Variants in CLCN5 observed in about 807,000 individuals in gnomAD.
CLCN5 encodes Cl-/H+ antiporter 5, also known as H(+)/Cl(-) exchange transporter 5.
Under a neutral mutation model 54.0 loss-of-function variants are expected in CLCN5, and 17 were observed. That is an observed-to-expected ratio of 0.31 (90% CI 0.22 to 0.47). The LOEUF (loss-of-function observed/expected upper bound fraction) is 0.47. Ranked by LOEUF, CLCN5 falls within the 20% of genes least tolerant of loss-of-function variation. The probability of loss-of-function intolerance (pLI) is 1.00; values close to 1 mark genes in which losing one functional copy is unlikely to be tolerated. For missense variants in CLCN5, 448 were observed against 646.7 expected, an observed-to-expected ratio of 0.69 and a Z score of 3.33; for synonymous variants, 222 against 233.0, an observed-to-expected ratio of 0.95 and a Z score of 0.43.
At chrX:50,069,022 C>A (rs187312996) in intron 4 of CLCN5, among the ~76,000 whole-genome samples, 62 of 111,996 alleles carry the variant, frequency 5.5e-4, no homozygotes, top group African/African-American at 2.0e-3. Flanking sequence ...GTTCATCAAA[C>A]AAATTTTGGT....
In CLCN5 at chrX:50,088,825, A is replaced by G. The variant is rs1472048553; in HGVS notation, c.1685A>G (p.Gln562Arg). The change falls in exon 12 of 15, where the codon CAG (glutamine) becomes CGG (arginine). Residue 562 changes from glutamine (Q) to arginine (R), a missense_variant. Gln to Arg is a conservative substitution (Grantham distance 43, BLOSUM62 1). Coordinates refer to ENST00000376091, the MANE Select transcript of CLCN5 (RefSeq NM_001127898.4). ...EWTVFNSWCS[Q>R]GADCITPGLY... ...ACCGTCTTCAATAGCTGGTGTAGTC[A>G]GGGAGCTGATTGCATCACCCCCGGC... 1 of 1,210,101 alleles carries G rather than the reference A, an allele frequency of 8.3e-7. No homozygotes were observed. Among genetic ancestry groups the G allele is most frequent in the Non-Finnish European group, 1.1e-6 (1 of 895,221 alleles).
chrX:49,986,519 C>G (rs868963633), intron 3 of CLCN5, among the ~76,000 whole-genome samples: 1 of 111,511 alleles, frequency 9.0e-6, no homozygotes, highest in Non-Finnish European at 1.9e-5. Context: ...CTTAGCTGAA[C>G]GTATATAAAG....
intron 4 of CLCN5, among the ~76,000 whole-genome samples, chrX:50,050,997 T>C (rs781973248): frequency 3.6e-5 from 4 of 111,664 alleles, no homozygotes; most frequent in African/African-American, 1.3e-4. Context: ...CAGTAGTTTT[T>C]GCAAACCAGA....
intron 11 of CLCN5, among the ~76,000 whole-genome samples, chrX:50,087,244 C>T (rs1207395577): frequency 1.3e-4 from 14 of 111,899 alleles, no homozygotes; most frequent in African/African-American, 3.9e-4. Flanking sequence ...TATAGGGTGG[C>T]TTTAGAGTTT....
chrX:49,936,530 T>C (rs1324434942), intron 3 of CLCN5, among the ~76,000 whole-genome samples: 4 of 112,230 alleles, frequency 3.6e-5, no homozygotes, highest in Admixed American at 9.5e-5. Context: ...CAGGATGTGG[T>C]TGGTACCAAT....
intron 3 of CLCN5, among the ~76,000 whole-genome samples, chrX:49,961,752 A>G (rs1927605615): frequency 1.8e-5 from 2 of 111,106 alleles, no homozygotes; most frequent in Non-Finnish European, 3.8e-5. Flanking sequence ...CCCTTCCAAT[A>G]TGGTTTTTCT....
chrX:49,989,217 T>A (rs1557178598), intron 3 of CLCN5, among the ~76,000 whole-genome samples: 1 of 110,149 alleles, frequency 9.1e-6, no homozygotes, highest in Non-Finnish European at 1.9e-5. Context: ...GGACCACAGG[T>A]GTGCACCACC....
intron 3 of CLCN5, among the ~76,000 whole-genome samples, chrX:49,981,230 CA>C (rs1602008950): frequency 9.0e-6 from 1 of 111,330 alleles, no homozygotes; most frequent in African/African-American, 3.3e-5. Context: ...TTTTTTTCCC[CA>C]ATGAGCCGTT....
In CLCN5 at chrX:50,092,565, A is replaced by T; in HGVS notation, c.*346A>T. The T allele has an allele frequency of 9.8e-6, 2 of 204,748 alleles. No homozygotes were observed. The highest frequency in any genetic ancestry group is 1.9e-4 in the South Asian group (2 of 10,684). The allele number at this position is 204,748 out of a possible 1,213,427, so 16.9% of individuals were successfully genotyped here. On this transcript the variant is annotated 3_prime_UTR_variant, in exon 15 of 15. Coordinates refer to ENST00000376091, the MANE Select transcript of CLCN5 (RefSeq NM_001127898.4). ...TGAAAACTATGCAAGAGAAATTCCA[A>T]CCGTCCTGACCTATAACCTGTAGGA...
intron 3 of CLCN5, among the ~76,000 whole-genome samples, chrX:50,004,860 A>T (rs1420608897): frequency 8.9e-6 from 1 of 111,833 alleles, no homozygotes; most frequent in South Asian, 3.8e-4. Context: ...CAGTGAGCCA[A>T]GATCGTGCCA....
At chrX:49,979,442 C>T (rs895810553) in intron 3 of CLCN5, among the ~76,000 whole-genome samples, 8 of 111,662 alleles carry the variant, frequency 7.2e-5, no homozygotes, top group Admixed American at 2.9e-4. Context: ...CTATAAGTCT[C>T]GTATATTGCT....
At chrX:50,015,812 C>T (rs1430631810) in intron 3 of CLCN5, among the ~76,000 whole-genome samples, 1 of 111,077 alleles carries the variant, frequency 9.0e-6, no homozygotes, top group African/African-American at 3.3e-5. Context: ...GTCAGCGTAG[C>T]AATACAGTAT....
At position 50,042,422 on chromosome X, in the gene CLCN5, C is replaced by A; in HGVS notation, c.123C>A (p.Ser41=). The A allele has an allele frequency of 8.9e-7, 1 of 1,129,419 alleles. No homozygotes were observed. Among genetic ancestry groups the A allele is most frequent in the East Asian group, 3.3e-5 (1 of 30,477 alleles). The allele number at this position is 1,129,419 out of a possible 1,213,427, so 93.1% of individuals were successfully genotyped here. The change falls in exon 4 of 15, where the codon TCC becomes TCA. Residue 41 remains serine, a synonymous_variant. Coordinates refer to ENST00000376091, the MANE Select transcript of CLCN5 (RefSeq NM_001127898.4). ...MDIPATAMDF[S]MRDDVPPLDR... ...TTCCAGCAACCGCTATGGATTTCTC[C>A]ATGAGAGATGATGTTCCTCCCTTAG... is the stretch of plus-strand genomic sequence containing the variant.
intron 3 of CLCN5, among the ~76,000 whole-genome samples, chrX:49,936,689 ATATAAG>A (rs1926005990): frequency 8.9e-6 from 1 of 112,466 alleles, no homozygotes; most frequent in Non-Finnish European, 1.9e-5. Flanking sequence ...GTTGGTAGGC[ATATAAG>A]TTGGTAGAAT....
At chrX:50,090,057 A>C (rs1934033952) in intron 12 of CLCN5, 59 bp from the exon 13 acceptor site, 1 of 1,158,989 alleles carries the variant, frequency 8.6e-7, no homozygotes, top group African/African-American at 1.8e-5. Flanking sequence ...GGAAAGGCCC[A>C]TAATTGTAAG....
At chrX:50,049,450 T>C (rs1273519814) in intron 4 of CLCN5, among the ~76,000 whole-genome samples, 1 of 112,069 alleles carries the variant, frequency 8.9e-6, no homozygotes, top group African/African-American at 3.2e-5. Flanking sequence ...TGTATCCCCA[T>C]CATTAAGTAA....
chrX:49,983,033 G>T (rs186992151), intron 3 of CLCN5, among the ~76,000 whole-genome samples: 2 of 112,097 alleles, frequency 1.8e-5, no homozygotes, highest in East Asian at 5.6e-4. Context: ...TTACAATTTG[G>T]TGCAGAGACT....
chrX:49,957,257 A>G (rs1443808829), intron 3 of CLCN5, among the ~76,000 whole-genome samples: 1 of 111,236 alleles, frequency 9.0e-6, no homozygotes, highest in Non-Finnish European at 1.9e-5. Flanking sequence ...CCAAGATTGC[A>G]CCACTGCACT....
chrX:49,924,075 G>C (rs1386934060), intron 2 of CLCN5, among the ~76,000 whole-genome samples: 1 of 111,398 alleles, frequency 9.0e-6, no homozygotes, highest in African/African-American at 3.3e-5. Flanking sequence ...AAATGGGCAA[G>C]CAGAGTGTTA....
Sources: gnomAD v4.1 joint callset for allele counts (sites outside exome capture counted in the v4.1 genomes callset) on GRCh38, gnomAD v4.1.1 for gene constraint, MANE v1.5 for transcripts, NCBI Gene and HGNC (gene_info 2026-07-23, HGNC 2026-07-21) for gene names.